ERBB4: variants seen among roughly 807,000 people sequenced by gnomAD.
ERBB4 encodes erb-b2 receptor tyrosine kinase 4, also known as receptor tyrosine-protein kinase erbB-4.
A neutral mutation model predicts 158.0 loss-of-function variants in ERBB4; 42 were observed. That is an observed-to-expected ratio of 0.27 (90% CI 0.21 to 0.34). ERBB4 has a LOEUF of 0.34. Among genes scored for constraint, ERBB4 ranks in the 10% least tolerant of loss-of-function variants. The pLI is 1.00. For missense variants in ERBB4, 1,333 were observed against 1,624.1 expected (o/e 0.82, Z 3.08); for synonymous variants, 583 against 558.7 (o/e 1.04, Z -0.61).
In ERBB4 at chr2:211,442,751, C is replaced by A. The variant is rs182030797; in HGVS notation, c.2488-11651G>T. On this transcript the variant is annotated intron_variant, in intron 20 of 27. Coordinates refer to ENST00000342788, the MANE Select transcript of ERBB4 (RefSeq NM_005235.3). ...CATATGTGTATATATATATGAATCT[C>A]AATAGAGCACTCATCTATTGACTTG... is the stretch of plus-strand genomic sequence containing the variant. Among the ~76,000 whole-genome samples the A allele has an allele frequency of 4.5e-3, 679 of 151,748 alleles. 16 individuals carry two copies. The highest frequency in any genetic ancestry group is 0.036 in the Admixed American group (548 of 15,210).
intron 3 of ERBB4, among the ~76,000 whole-genome samples, chr2:211,861,355 T>TG (rs2078048522): frequency 1.2e-5 from 1 of 82,660 alleles, no homozygotes; most frequent in African/African-American, 4.3e-5. Flanking sequence ...TTTTTGTTTT[T>TG]TTTTTTTTTT....
intron 1 of ERBB4, among the ~76,000 whole-genome samples, chr2:212,369,947 T>C (rs903864445): frequency 6.6e-6 from 1 of 152,106 alleles, no homozygotes; most frequent in Non-Finnish European, 1.5e-5. Flanking sequence ...CTTCAAATGT[T>C]TTTAGGATCC....
intron 1 of ERBB4, among the ~76,000 whole-genome samples, chr2:212,430,594 C>G (rs572186218): frequency 5.4e-4 from 82 of 152,178 alleles, no homozygotes; most frequent in African/African-American, 1.9e-3. Flanking sequence ...GTGCCTACCA[C>G]CACACCTAGC....
intron 2 of ERBB4, among the ~76,000 whole-genome samples, chr2:211,968,770 A>T (rs937009246): frequency 2.0e-5 from 3 of 151,934 alleles, no homozygotes; most frequent in African/African-American, 7.2e-5. Context: ...TATTTCAGCC[A>T]TATTTTTATT....
intron 3 of ERBB4, among the ~76,000 whole-genome samples, chr2:211,899,963 T>C (rs1168161909): frequency 6.6e-6 from 1 of 152,290 alleles, no homozygotes; most frequent in East Asian, 1.9e-4. Flanking sequence ...CTCAGTATTG[T>C]ACTTTTAAGT....
At chr2:211,424,400 TCCAAACA>T in intron 22 of ERBB4, 99 bp from the exon 23 acceptor site, 1 of 756,184 alleles carries the variant, frequency 1.3e-6, no homozygotes, top group Non-Finnish European at 2.2e-6. Context: ...TACAGGTCAA[TCCAAACA>T]CCAATCAATT....
intron 3 of ERBB4, among the ~76,000 whole-genome samples, chr2:211,941,319 T>C (rs559741130): frequency 6.6e-5 from 10 of 152,092 alleles, no homozygotes; most frequent in Admixed American, 5.9e-4. Flanking sequence ...AATGTAAATG[T>C]TTGTAGTACT....
chr2:211,568,976 C>T (rs2067634430), intron 19 of ERBB4, among the ~76,000 whole-genome samples: 1 of 152,132 alleles, frequency 6.6e-6, no homozygotes, highest in East Asian at 1.9e-4. Flanking sequence ...TATAATTTAT[C>T]TGGGTAAATA....
intron 20 of ERBB4, among the ~76,000 whole-genome samples, chr2:211,485,701 A>G (rs1397566873): frequency 7.9e-6 from 1 of 126,502 alleles, no homozygotes; most frequent in African/African-American, 2.9e-5. Context: ...TCGCACCCCA[A>G]ACTCAGTGGG....
intron 2 of ERBB4, among the ~76,000 whole-genome samples, chr2:212,016,728 C>A (rs532846294): frequency 1.3e-5 from 2 of 152,018 alleles, no homozygotes; most frequent in South Asian, 4.2e-4. Context: ...AGTGGTGTTA[C>A]CCACATATTA....
At chr2:212,216,220 T>C (rs1393867100) in intron 1 of ERBB4, among the ~76,000 whole-genome samples, 1 of 151,334 alleles carries the variant, frequency 6.6e-6, no homozygotes, top group Non-Finnish European at 1.5e-5. Flanking sequence ...TTTATTGATG[T>C]GAATCTTTCA....
intron 12 of ERBB4, among the ~76,000 whole-genome samples, chr2:211,700,030 T>A (rs1159637700): frequency 6.6e-6 from 1 of 152,028 alleles, no homozygotes; most frequent in South Asian, 2.1e-4. Context: ...AGAGGAAGAA[T>A]TTTTTTTCTG....
At position 212,500,087 on chromosome 2, in the gene ERBB4, T is replaced by C. The variant is rs546024485; in HGVS notation, c.82+38362A>G. 5.9e-5 allele frequency among the ~76,000 whole-genome samples: 9 copies of C among 152,258 alleles called. No homozygotes were observed. The East Asian group carries it at 1.5e-3, about 26-fold the overall frequency. On this transcript the variant is annotated intron_variant, in intron 1 of 27. Transcript: ENST00000342788. The stretch of plus-strand genomic sequence containing the variant: ...TTTTTCTCATAGAAACGATAAAGTG[T>C]AGTTCACAAATAAATGGTGACTTTA...
intron 5 of ERBB4, among the ~76,000 whole-genome samples, chr2:211,749,463 C>A (rs1159756184): frequency 6.6e-6 from 1 of 151,950 alleles, no homozygotes; most frequent in Admixed American, 6.6e-5. Flanking sequence ...ACCAAAATAG[C>A]CAATAATATT....
chr2:212,102,719 T>C (rs1329543078), intron 2 of ERBB4, among the ~76,000 whole-genome samples: 2 of 152,142 alleles, frequency 1.3e-5, no homozygotes, highest in East Asian at 1.9e-4. Flanking sequence ...AAATATAATA[T>C]TTCCTAAGTG....
At chr2:211,687,493 A>AGTTT (rs71054130) in intron 12 of ERBB4, among the ~76,000 whole-genome samples, 25 of 151,386 alleles carry the variant, frequency 1.7e-4, no homozygotes, top group South Asian at 8.4e-4. Context: ...GCTTGACTGA[A>AGTTT]GTTTGTTTGT....
chr2:212,462,622 C>CA (rs1688631600), intron 1 of ERBB4, among the ~76,000 whole-genome samples: 1 of 151,604 alleles, frequency 6.6e-6, no homozygotes, highest in Non-Finnish European at 1.5e-5. Context: ...ACAGGGATGC[C>CA]AAAAAAGGAG....
chr2:211,870,041 T>A (rs1242104688), intron 3 of ERBB4, among the ~76,000 whole-genome samples: 1 of 152,186 alleles, frequency 6.6e-6, no homozygotes, highest in Non-Finnish European at 1.5e-5. Context: ...CCAGTATCCA[T>A]CATCTTCCTT....
intron 1 of ERBB4, among the ~76,000 whole-genome samples, chr2:212,502,027 A>G (rs1690920736): frequency 6.6e-6 from 1 of 152,056 alleles, no homozygotes; most frequent in Non-Finnish European, 1.5e-5. Context: ...TACAAAAACA[A>G]GTAGTATAAA....
Sources: allele counts gnomAD v4.1 joint callset (sites outside exome capture counted in the v4.1 genomes callset), GRCh38; gene constraint gnomAD v4.1.1; transcripts MANE v1.5; gene names NCBI Gene and HGNC (gene_info 2026-07-23, HGNC 2026-07-21).